ITPR2: variants seen among roughly 807,000 people sequenced by gnomAD.
ITPR2 encodes inositol 1,4,5-trisphosphate receptor type 2, also known as inositol 1,4,5-trisphosphate-gated calcium channel ITPR2.
In ITPR2, 207 loss-of-function variants were observed where a neutral mutation model predicts 317.1. That is an observed-to-expected ratio of 0.65 (90% CI 0.58 to 0.73). ITPR2 has a LOEUF of 0.73. Ranked by LOEUF, ITPR2 falls within the 30% of genes least tolerant of loss-of-function variation. ITPR2 has a pLI of 0.00. For missense variants in ITPR2, 2,613 were observed against 3,284.0 expected (o/e 0.80, Z 4.99); for synonymous variants, 1,156 against 1,149.1 (o/e 1.01, Z -0.12).
At chr12:26,407,969 A>G (rs1242822734) in intron 52 of ITPR2, among the ~76,000 whole-genome samples, 3 of 152,138 alleles carry the variant, frequency 2.0e-5, no homozygotes, top group African/African-American at 7.2e-5. Flanking sequence ...GCCAGAACAC[A>G]CTTCTCCCTC....
At chr12:26,703,502 G>A (rs757177768) in intron 9 of ITPR2, among the ~76,000 whole-genome samples, 5 of 152,094 alleles carry the variant, frequency 3.3e-5, no homozygotes, top group Non-Finnish European at 7.4e-5. Flanking sequence ...TGTTGGGAGG[G>A]GCTGTCCTGT....
rs1370693727 is a variant in ITPR2, at chr12:26,831,377, T to TGGTA, written c.92+1309_92+1312dup. 4.6e-5 allele frequency among the ~76,000 whole-genome samples: 7 copies of TGGTA among 152,094 alleles called. 1 individual carries two copies. The highest frequency in any genetic ancestry group is 7.4e-5 in the Non-Finnish European group (5 of 68,008). On this transcript the variant is annotated intron_variant, in intron 1 of 56. Coordinates refer to ENST00000381340, the MANE Select transcript of ITPR2 (RefSeq NM_002223.4). This position sits in a 1 kb window ranked among gnomAD's most constrained non-coding sequence, Gnocchi z 4.9. ...CTGGTGACTTCCACGTCCCAGTGCT[T>TGGTA]GGTAGGCAGCAGTCCGTTATAACAC...
At chr12:26,386,618 A>G (rs1323530519) in intron 55 of ITPR2, among the ~76,000 whole-genome samples, 3 of 151,192 alleles carry the variant, frequency 2.0e-5, no homozygotes, top group African/African-American at 7.3e-5. Flanking sequence ...ATCATGAGTC[A>G]TCTAAGGCCT....
chr12:26,799,850 G>A (rs947080347), intron 1 of ITPR2, among the ~76,000 whole-genome samples: 2 of 152,188 alleles, frequency 1.3e-5, no homozygotes, highest in Non-Finnish European at 2.9e-5. Flanking sequence ...TCTACCAGTT[G>A]AGATCAATTA....
chr12:26,565,848 A>AGAGGAGAGGAGAGGGGACGG (rs1944947488), intron 34 of ITPR2, among the ~76,000 whole-genome samples: 1 of 91,468 alleles, frequency 1.1e-5, no homozygotes, highest in African/African-American at 4.4e-5. Flanking sequence ...AGTAGAGAGG[A>AGAGGAGAGGAGAGGGGACGG]GAGGAGAGGA....
intron 55 of ITPR2, among the ~76,000 whole-genome samples, chr12:26,377,754 C>G (rs1343613030): frequency 1.3e-5 from 2 of 152,220 alleles, no homozygotes; most frequent in Non-Finnish European, 2.9e-5. Context: ...GGATGACTAA[C>G]ATTTTTCTGA....
chr12:26,737,452 A>G lies in ITPR2; in HGVS notation c.164-11687T>C, dbSNP rs140038561. ...TGTATTTTTAGTAGAGATGGGTTTC[A>G]CCATGTTGGACAGGCTGGTCTCAAA... On this transcript the variant is annotated intron_variant, in intron 2 of 56. Coordinates refer to ENST00000381340, the MANE Select transcript of ITPR2 (RefSeq NM_002223.4). 5.2e-3 allele frequency among the ~76,000 whole-genome samples: 787 copies of G among 152,088 alleles called. 3 individuals are homozygous for G. The highest frequency in any genetic ancestry group is 7.8e-3 in the Non-Finnish European group (528 of 67,996).
intron 52 of ITPR2, among the ~76,000 whole-genome samples, chr12:26,402,613 G>C (rs185404692): frequency 6.6e-6 from 1 of 152,318 alleles, no homozygotes; most frequent in African/African-American, 2.4e-5. Context: ...CATGTAAATG[G>C]GAGGAGAACA....
intron 37 of ITPR2, among the ~76,000 whole-genome samples, chr12:26,544,143 A>G (rs1455622351): frequency 6.6e-6 from 1 of 152,094 alleles, no homozygotes; most frequent in Non-Finnish European, 1.5e-5. Context: ...TATGATCCCT[A>G]GATGATTTCA....
intron 26 of ITPR2, among the ~76,000 whole-genome samples, chr12:26,614,908 T>C (rs1022103102): frequency 9.2e-5 from 14 of 152,362 alleles, no homozygotes; most frequent in African/African-American, 3.1e-4. Flanking sequence ...TCAAAACCCA[T>C]AGTTAAACAA....
intron 47 of ITPR2, among the ~76,000 whole-genome samples, chr12:26,437,719 G>C (rs1296420921): frequency 6.6e-6 from 1 of 152,052 alleles, no homozygotes; most frequent in East Asian, 1.9e-4. Flanking sequence ...TTTTTTAAAA[G>C]CACAGACCTC....
intron 2 of ITPR2, among the ~76,000 whole-genome samples, chr12:26,746,097 CAGA>C (rs1457834835): frequency 3.3e-5 from 5 of 151,954 alleles, no homozygotes; most frequent in Non-Finnish European, 5.9e-5. Flanking sequence ...CTAAATTACC[CAGA>C]AGAATAGGGG....
chr12:26,468,565 A>G (rs1466073495), intron 45 of ITPR2, among the ~76,000 whole-genome samples: 1 of 93,000 alleles, frequency 1.1e-5, no homozygotes, highest in Non-Finnish European at 2.4e-5. Flanking sequence ...AAATATAGAA[A>G]CAGAAAAAAA....
chr12:26,690,167 A>G (rs910273167), intron 10 of ITPR2, among the ~76,000 whole-genome samples: 1 of 152,236 alleles, frequency 6.6e-6, no homozygotes, highest in Non-Finnish European at 1.5e-5. Flanking sequence ...GGATTTGGGC[A>G]CAAGTGGCTT....
At chr12:26,472,209 A>C (rs1591812356) in intron 45 of ITPR2, among the ~76,000 whole-genome samples, 1 of 152,198 alleles carries the variant, frequency 6.6e-6, no homozygotes, top group Non-Finnish European at 1.5e-5. Flanking sequence ...TTAACTCTAC[A>C]CTGTCAGTTA....
intron 1 of ITPR2, among the ~76,000 whole-genome samples, chr12:26,797,246 A>C (rs1332987503): frequency 6.6e-6 from 1 of 152,238 alleles, no homozygotes; most frequent in Non-Finnish European, 1.5e-5. Flanking sequence ...CATATATTTT[A>C]GGAATACACA....
intron 13 of ITPR2, among the ~76,000 whole-genome samples, chr12:26,666,804 A>G (rs2062165): frequency 0.84 from 127,829 of 152,156 alleles, 53,744 homozygotes; most frequent in Admixed American, 0.89. Context: ...AGTACAGGAA[A>G]TGTCTTGAAA....
At chr12:26,697,129 T>C (rs964434740) in intron 9 of ITPR2, among the ~76,000 whole-genome samples, 1 of 152,204 alleles carries the variant, frequency 6.6e-6, no homozygotes, top group Non-Finnish European at 1.5e-5. Context: ...ATAGAGTCGA[T>C]GTCTGCTCAA....
intron 52 of ITPR2, among the ~76,000 whole-genome samples, chr12:26,409,136 A>G (rs960335340): frequency 1.6e-4 from 25 of 152,148 alleles, no homozygotes; most frequent in Admixed American, 6.5e-4. Flanking sequence ...ACTGTGACAG[A>G]CTCTGCAAGC....
Sources: allele counts gnomAD v4.1 joint callset (sites outside exome capture counted in the v4.1 genomes callset), GRCh38; gene constraint gnomAD v4.1.1; non-coding constraint Gnocchi (gnomAD v3.1); transcripts MANE v1.5; gene names NCBI Gene and HGNC (gene_info 2026-07-23, HGNC 2026-07-21).